Variants in TAX1BP1 observed in about 807,000 individuals in gnomAD.
TAX1BP1 encodes the protein Tax1 binding protein 1, also known as tax1-binding protein 1.
Under a neutral mutation model 97.7 loss-of-function variants are expected in TAX1BP1, and 62 were observed. The ratio of observed to expected loss-of-function variants is 0.63; its 90% CI spans 0.52 to 0.78. The LOEUF (loss-of-function observed/expected upper bound fraction) is 0.78. Ranked by LOEUF, TAX1BP1 falls within the 30% of genes least tolerant of loss-of-function variation. The pLI, the probability that TAX1BP1 is intolerant of heterozygous loss-of-function variation, is 0.00. For missense variants in TAX1BP1, 867 were observed against 916.1 expected (o/e 0.95, Z 0.69); for synonymous variants, 340 against 304.2 (o/e 1.12, Z -1.23).
At position 27,762,330 on chromosome 7, in the gene TAX1BP1, C is replaced by G. The variant is rs75563704; in HGVS notation, c.266-3504C>G. Among the ~76,000 whole-genome samples the G allele has an allele frequency of 6.1e-3, 922 of 152,046 alleles. 6 individuals are homozygous for G. The highest frequency in any genetic ancestry group is 0.011 in the South Asian group (52 of 4,804). On this transcript the variant is annotated intron_variant, in intron 3 of 16. Coordinates refer to ENST00000396319, the MANE Select transcript of TAX1BP1 (RefSeq NM_006024.7). ...GTTTTGTTACATTTAAAACTTCTTTCCTGAAAGCTGTTGGTTTATTTTTAG... is the reference window on the plus strand; with the variant it reads ...GTTTTGTTACATTTAAAACTTCTTTGCTGAAAGCTGTTGGTTTATTTTTAG...
intron 1 of TAX1BP1, 146 bp from the exon 2 acceptor site, chr7:27,748,372 G>A (rs908168782): frequency 1.9e-6 from 1 of 518,374 alleles, no homozygotes; most frequent in Non-Finnish European, 3.0e-6. Flanking sequence ...CAATTTTTAA[G>A]AAGTTCCAGT....
At position 27,787,573 on chromosome 7, in the gene TAX1BP1, A is replaced by C; in HGVS notation, c.1008A>C (p.Gln336His). 1 of 1,611,928 alleles carries C rather than the reference A, an allele frequency of 6.2e-7. No homozygotes were observed. Among genetic ancestry groups the C allele is most frequent in the South Asian group, 1.1e-5 (1 of 90,534 alleles). ...QLCLAEKENL[Q>H]RTFLLTTSSK... ...GTTTGGCTGAAAAGGAAAATCTGCAAAGAACTTTCCTGCTTACAACCTCAA... is the reference window on the plus strand; with the variant it reads ...GTTTGGCTGAAAAGGAAAATCTGCACAGAACTTTCCTGCTTACAACCTCAA... The change falls in exon 8 of 17, where the codon CAA becomes CAC. Residue 336 changes from glutamine to histidine, a missense_variant. By Grantham distance (24) the Gln-to-His change is conservative (BLOSUM62 0). Transcript: ENST00000396319.
chr7:27,809,325 G>A (rs75918061), intron 13 of TAX1BP1, among the ~76,000 whole-genome samples: 1 of 152,208 alleles, frequency 6.6e-6, no homozygotes, highest in Non-Finnish European at 1.5e-5. Flanking sequence ...ATCTCTGTAG[G>A]TGGCCAAGTT....
At position 27,792,434 on chromosome 7, in the gene TAX1BP1, T is replaced by C. The variant is rs145492494; in HGVS notation, c.1263+204T>C. Among the ~76,000 whole-genome samples the C allele has an allele frequency of 1.8e-4, 28 of 152,350 alleles. No homozygotes were observed. In the Middle Eastern group the frequency reaches 0.01, roughly 56 times the overall value. On this transcript the variant is annotated intron_variant, in intron 9 of 16. Transcript: ENST00000396319. ...GGAAAACTTCTGTAAGCAGAATTCT[T>C]AATGGTTGGTGAAAGCTGCCCTATT...
chr7:27,810,831 C>T (rs562227991), intron 13 of TAX1BP1, among the ~76,000 whole-genome samples: 58 of 152,180 alleles, frequency 3.8e-4, no homozygotes, highest in Non-Finnish European at 6.3e-4. Context: ...GCCTGAAATA[C>T]GTTATTATTT....
At chr7:27,771,776 A>G (rs1788858047) in intron 5 of TAX1BP1, among the ~76,000 whole-genome samples, 1 of 152,090 alleles carries the variant, frequency 6.6e-6, no homozygotes, top group South Asian at 2.1e-4. Context: ...GCATTGGGGC[A>G]TATTCTCTGG....
chr7:27,798,297 GT>G (rs530376843), intron 12 of TAX1BP1, among the ~76,000 whole-genome samples: 8 of 150,976 alleles, frequency 5.3e-5, no homozygotes, highest in Admixed American at 4.6e-4. Context: ...ATGGACATAT[GT>G]TTTTTTTTGT....
At chr7:27,744,499 AT>A (rs1168512336) in intron 1 of TAX1BP1, among the ~76,000 whole-genome samples, 1 of 152,234 alleles carries the variant, frequency 6.6e-6, no homozygotes, top group Admixed American at 6.5e-5. Context: ...ACATAACAAA[AT>A]TACCTTATTT....
intron 5 of TAX1BP1, among the ~76,000 whole-genome samples, chr7:27,778,908 AGAG>A (rs143491509): frequency 0.03 from 4,578 of 151,958 alleles, 212 homozygotes; most frequent in African/African-American, 0.1. Flanking sequence ...GTATATTTAT[AGAG>A]TCATGCCACC....
intron 10 of TAX1BP1, 103 bp downstream of exon 10, chr7:27,793,315 A>G (rs1291719847): frequency 2.8e-6 from 3 of 1,065,874 alleles, no homozygotes; most frequent in Non-Finnish European, 3.9e-6. Context: ...AATATTATTT[A>G]TCTCTGCTTG....
rs61739691 is a variant in TAX1BP1 at position 27,796,139 on chromosome 7, A to G, written c.1558A>G (p.Thr520Ala). The change falls in exon 12 of 17, where the codon ACA (threonine) becomes GCA (alanine). Residue 520 changes from threonine to alanine, a missense_variant. By Grantham distance (58) the Thr-to-Ala change is moderately conservative. Around this residue, in one of 3 missense-constraint regions of TAX1BP1, gnomAD observed 822 missense variants for 851.4 expected, o/e 0.97. Transcript: ENST00000396319. ...AGCAGAGGCAGATTTTGACATAGTA[A>G]CAAAGGGGCAAGTCTGTGAAATGAC... ...SAAEADFDIV[T>A]KGQVCEMTKE... The G allele has an allele frequency of 4.3e-3, 6,838 of 1,606,784 alleles. 21 individuals carry two copies. The highest frequency in any genetic ancestry group is 5.5e-3 in the Non-Finnish European group (6,441 of 1,178,042).
At chr7:27,756,752 C>T (rs56916239) in intron 2 of TAX1BP1, among the ~76,000 whole-genome samples, 3,516 of 152,028 alleles carry the variant, frequency 0.023, 70 homozygotes, top group East Asian at 0.082. Context: ...TTAATTCTTC[C>T]AACAACTGTG....
chr7:27,815,015 G>A (rs1324195715), intron 13 of TAX1BP1, among the ~76,000 whole-genome samples: 1 of 152,162 alleles, frequency 6.6e-6, no homozygotes, highest in Non-Finnish European at 1.5e-5. Flanking sequence ...GGGATTACAG[G>A]CGTGAGCCAC....
intron 12 of TAX1BP1, among the ~76,000 whole-genome samples, chr7:27,799,749 G>A (rs1476463127): frequency 6.6e-6 from 1 of 151,830 alleles, no homozygotes. Flanking sequence ...TTGTCAATTT[G>A]TACATCTGCC....
intron 3 of TAX1BP1, among the ~76,000 whole-genome samples, chr7:27,761,840 C>T (rs1006915587): frequency 2.6e-5 from 4 of 152,040 alleles, no homozygotes; most frequent in African/African-American, 9.7e-5. Flanking sequence ...TGAGTAAATA[C>T]CAGGGAATGT....
chr7:27,742,073 C>T (rs529435521), intron 1 of TAX1BP1, among the ~76,000 whole-genome samples: 6 of 152,352 alleles, frequency 3.9e-5, no homozygotes, highest in African/African-American at 9.6e-5. Flanking sequence ...GTAGATGGAA[C>T]GTACAATCGG....
chr7:27,742,771 C>T (rs1241336016), intron 1 of TAX1BP1, among the ~76,000 whole-genome samples: 2 of 152,138 alleles, frequency 1.3e-5, no homozygotes, highest in African/African-American at 4.8e-5. Context: ...CAGCCCATCA[C>T]GTTCTTAAAT....
intron 5 of TAX1BP1, among the ~76,000 whole-genome samples, chr7:27,779,483 A>G (rs1789168468): frequency 6.6e-6 from 1 of 152,174 alleles, no homozygotes; most frequent in South Asian, 2.1e-4. Flanking sequence ...TAGTTGCTAC[A>G]TTTTCTCTTC....
chr7:27,796,329 T>A (rs570637134), intron 12 of TAX1BP1, 110 bp downstream of exon 12: 2 of 876,284 alleles, frequency 2.3e-6, no homozygotes, highest in African/African-American at 3.5e-5. Flanking sequence ...CATCTCCATA[T>A]AGTGTTACTT....
Sources: allele counts gnomAD v4.1 joint callset (sites outside exome capture counted in the v4.1 genomes callset), GRCh38; gene constraint gnomAD v4.1.1; regional missense constraint gnomAD v4.1.1; transcripts MANE v1.5; gene names NCBI Gene and HGNC (gene_info 2026-07-23, HGNC 2026-07-21).